Variants in RSRC1 observed in about 807,000 individuals in gnomAD.
The protein encoded by RSRC1 is arginine and serine rich coiled-coil 1.
RSRC1 carries 39 observed loss-of-function variants against 49.1 expected under a neutral mutation model. That is an observed-to-expected ratio of 0.79 (90% CI 0.61 to 1.04). RSRC1 has a LOEUF of 1.04. Ranked by LOEUF, RSRC1 falls within the 50% of genes least tolerant of loss-of-function variation. The pLI, the probability that RSRC1 is intolerant of heterozygous loss-of-function variation, is 0.00. For synonymous variants in RSRC1, 143 were observed against 130.8 expected, an observed-to-expected ratio of 1.09 and a Z score of -0.63; for missense variants, 388 against 402.4, an observed-to-expected ratio of 0.96 and a Z score of 0.31.
At chr3:158,143,306 G>C (rs1348908745) in intron 3 of RSRC1, among the ~76,000 whole-genome samples, 1 of 152,186 alleles carries the variant, frequency 6.6e-6, no homozygotes, top group Admixed American at 6.5e-5. Context: ...TTACTGATCA[G>C]AGATGGCCTT....
rs753937095 is a variant in RSRC1, at chr3:158,539,490, ATGT to A, written c.759+2299_759+2301del. On this transcript the variant is annotated intron_variant, in intron 8 of 9. Transcript: ENST00000611884. The surrounding 1 kb of genome is among the most constrained non-coding windows in gnomAD (Gnocchi z 4.1). ...ACTTAGTATGAGTTATTCAACCCTA[ATGT>A]TGTTGTATCTGGCAGATACCCACCT... 1.8e-4 allele frequency among the ~76,000 whole-genome samples: 28 copies of A among 152,068 alleles called. No individual in the cohort carries two copies. Among genetic ancestry groups the A allele is most frequent in the Non-Finnish European group, 3.2e-4 (22 of 67,976 alleles).
intron 3 of RSRC1, among the ~76,000 whole-genome samples, chr3:158,131,202 T>G (rs991849698): frequency 1.3e-5 from 2 of 151,984 alleles, no homozygotes; most frequent in Non-Finnish European, 2.9e-5. Flanking sequence ...AAATATATAT[T>G]AACTAAGTTT....
intron 4 of RSRC1, among the ~76,000 whole-genome samples, chr3:158,269,139 C>G (rs556958481): frequency 6.6e-6 from 1 of 151,974 alleles, no homozygotes; most frequent in African/African-American, 2.4e-5. Context: ...TTTTTTCTTG[C>G]TGAATTGCCA....
chr3:158,180,246 A>G (rs1350003984), intron 3 of RSRC1, among the ~76,000 whole-genome samples: 1 of 151,958 alleles, frequency 6.6e-6, no homozygotes, highest in African/African-American at 2.4e-5. Context: ...CTTTTATGGT[A>G]TCAGATCTAT....
At chr3:158,201,517 G>T (rs1721044161) in intron 3 of RSRC1, among the ~76,000 whole-genome samples, 1 of 152,142 alleles carries the variant, frequency 6.6e-6, no homozygotes, top group African/African-American at 2.4e-5. Flanking sequence ...TTGTCACACA[G>T]ATCCCTGAGG....
At chr3:158,274,100 A>T (rs1725671648) in intron 4 of RSRC1, among the ~76,000 whole-genome samples, 1 of 152,160 alleles carries the variant, frequency 6.6e-6, no homozygotes, top group Non-Finnish European at 1.5e-5. Context: ...GTATTTTAAG[A>T]ATTCTGTTTA....
rs1236297291 is a variant in RSRC1, at chr3:158,446,414, G to A, written c.584-14521G>A. On this transcript the variant is annotated intron_variant, in intron 6 of 9. Coordinates refer to ENST00000611884, the MANE Select transcript of RSRC1 (RefSeq NM_001271838.2). ...TATTTTTATTGCCTATAAAATATGT[G>A]GATTTAAAGGTCTTGTTATCATCAA... is the stretch of plus-strand genomic sequence containing the variant. 2.6e-5 allele frequency among the ~76,000 whole-genome samples: 4 copies of A among 151,078 alleles called. No homozygotes were observed. In the East Asian group the frequency reaches 7.8e-4, roughly 29 times the overall value.
At chr3:158,429,519 A>G (rs1735654978) in intron 6 of RSRC1, among the ~76,000 whole-genome samples, 1 of 142,536 alleles carries the variant, frequency 7.0e-6, no homozygotes, top group Non-Finnish European at 1.5e-5. Flanking sequence ...GTGTCTCTTC[A>G]ATGGATCAAA....
At chr3:158,342,809 A>T (rs1398108652) in intron 5 of RSRC1, among the ~76,000 whole-genome samples, 1 of 152,232 alleles carries the variant, frequency 6.6e-6, no homozygotes, top group Non-Finnish European at 1.5e-5. Context: ...GACAGTGAAC[A>T]TCAAATATGA....
At chr3:158,386,026 C>T (rs1732946232) in intron 6 of RSRC1, among the ~76,000 whole-genome samples, 1 of 151,860 alleles carries the variant, frequency 6.6e-6, no homozygotes, top group South Asian at 2.1e-4. Context: ...TTTTTTGATT[C>T]TCATTTTAGC....
chr3:158,166,940 A>T (rs1370698117), intron 3 of RSRC1, among the ~76,000 whole-genome samples: 2 of 151,964 alleles, frequency 1.3e-5, no homozygotes, highest in Non-Finnish European at 2.9e-5. Flanking sequence ...TCTTAATAGA[A>T]TTTTTTTTGT....
chr3:158,290,383 C>T (rs1399986770), intron 4 of RSRC1, among the ~76,000 whole-genome samples: 1 of 152,058 alleles, frequency 6.6e-6, no homozygotes, highest in African/African-American at 2.4e-5. Flanking sequence ...CGCCATTCTC[C>T]TGCCTCAGCC....
chr3:158,482,000 A>T (rs994797944), intron 7 of RSRC1, among the ~76,000 whole-genome samples: 1 of 152,044 alleles, frequency 6.6e-6, no homozygotes. Context: ...AAAAACTCAG[A>T]GTAAAGAGTT....
intron 6 of RSRC1, among the ~76,000 whole-genome samples, chr3:158,385,635 A>G (rs1469489630): frequency 6.6e-6 from 1 of 152,154 alleles, no homozygotes; most frequent in East Asian, 1.9e-4. Flanking sequence ...TGCCTTATTA[A>G]ATATGGAGAA....
chr3:158,387,924 A>G (rs1404607075), intron 6 of RSRC1, among the ~76,000 whole-genome samples: 4 of 152,180 alleles, frequency 2.6e-5, no homozygotes. Flanking sequence ...ATGCACATAT[A>G]CTGAAAATAG....
At chr3:158,216,007 C>T (rs1219454650) in intron 4 of RSRC1, among the ~76,000 whole-genome samples, 3 of 151,278 alleles carry the variant, frequency 2.0e-5, no homozygotes, top group African/African-American at 7.3e-5. Flanking sequence ...AAGAGCATCC[C>T]TTATTATTTT....
At chr3:158,190,903 G>A (rs574832971) in intron 3 of RSRC1, among the ~76,000 whole-genome samples, 44 of 149,520 alleles carry the variant, frequency 2.9e-4, no homozygotes, top group Non-Finnish European at 5.2e-4. Context: ...GTTTAGCATC[G>A]TGAGGTGGAG....
intron 3 of RSRC1, among the ~76,000 whole-genome samples, chr3:158,165,725 G>T (rs982070108): frequency 1.3e-5 from 2 of 152,160 alleles, no homozygotes; most frequent in African/African-American, 2.4e-5. Flanking sequence ...ATATGACTTG[G>T]TATTCTTTTA....
chr3:158,210,164 T>A (rs1474531252), intron 4 of RSRC1, among the ~76,000 whole-genome samples: 2 of 152,206 alleles, frequency 1.3e-5, no homozygotes, highest in Admixed American at 1.3e-4. Flanking sequence ...GCATATAGGT[T>A]ATAGAGTTCT....
Sources: allele counts gnomAD v4.1 joint callset (sites outside exome capture counted in the v4.1 genomes callset), GRCh38; gene constraint gnomAD v4.1.1; non-coding constraint Gnocchi (gnomAD v3.1); transcripts MANE v1.5; gene names NCBI Gene and HGNC (gene_info 2026-07-23, HGNC 2026-07-21).